STAC3: variants seen among roughly 807,000 people sequenced by gnomAD.
STAC3 encodes the protein SH3 and cysteine-rich domain-containing protein 3.
A neutral mutation model predicts 48.5 loss-of-function variants in STAC3; 30 were observed. The observed-to-expected ratio is 0.62, with a 90% CI of 0.46 to 0.84. The LOEUF is 0.84. Ranked by LOEUF, STAC3 falls within the 40% of genes least tolerant of loss-of-function variation. The probability of loss-of-function intolerance (pLI) is 0.00; values close to 1 mark genes in which losing one functional copy is unlikely to be tolerated. For synonymous variants in STAC3, 144 were observed against 158.6 expected, an observed-to-expected ratio of 0.91 and a Z score of 0.69; for missense variants, 419 against 462.6, an observed-to-expected ratio of 0.91 and a Z score of 0.86.
chr12:57,248,197 G>T lies in STAC3; in HGVS notation c.434C>A (p.Pro145Gln), dbSNP rs2037803104. ...VEMQRCFGKI[P>Q]PGFHRAYSSP... is the part of the protein sequence containing the mutation. ...ACTATAGGCCCGATGGAAACCAGGT[G>T]GCTGTAGGATGGGATGAGAGGAAGC... Residue 145 changes from proline to glutamine, a missense_variant and splice_region_variant, in exon 5 of 12, where the codon CCA (proline) becomes CAA (glutamine). Pro to Gln is a moderately conservative substitution (Grantham distance 76). Transcript: ENST00000332782. The T allele has an allele frequency of 6.2e-7, 1 of 1,613,670 alleles. No homozygotes were observed. Among genetic ancestry groups the T allele is most frequent in the Non-Finnish European group, 8.5e-7 (1 of 1,179,614 alleles).
Position 57,244,168 on chromosome 12 carries a change from C to A in STAC3, c.916G>T (p.Ala306Ser). The A allele has an allele frequency of 6.2e-7, 1 of 1,614,146 alleles. No individual in the cohort carries two copies. Among genetic ancestry groups the A allele is most frequent in the South Asian group, 1.1e-5 (1 of 91,082 alleles). Residue 306 changes from alanine (A) to serine (S), a missense_variant, in exon 11 of 12, where the codon GCT (alanine) becomes TCT (serine). By Grantham distance (99) the Ala-to-Ser change is moderately conservative. Transcript: ENST00000332782. The part of the protein sequence containing the change: ...FPPNFIIRVR[A>S]GERVHRVTRS... ...GTCACGCGGTGCACACGTTCTCCAGCCCGGACCCGAATGATGAAGTTTGGA... is the reference window on the plus strand; with the variant it reads ...GTCACGCGGTGCACACGTTCTCCAGACCGGACCCGAATGATGAAGTTTGGA...
At chr12:57,244,987 A>G in intron 7 of STAC3, 22 bp from the exon 8 acceptor site, 3 of 1,613,848 alleles carry the variant, frequency 1.9e-6, no homozygotes, top group East Asian at 4.5e-5. Flanking sequence ...AACACCAACA[A>G]ATTGTCTGTC....
chr12:57,251,058 T>G lies in STAC3; in HGVS notation c.-67A>C, dbSNP rs2037893085. On this transcript the variant is annotated 5_prime_UTR_variant, in exon 1 of 12. Coordinates refer to ENST00000332782, the MANE Select transcript of STAC3 (RefSeq NM_145064.3). Reference sequence around the variant, plus strand: ...GCTGGGAGCCTCGAGGCCTTGATGGTGGTGCTGGGGAAAAACTGGTCCTCT... The same window carrying G: ...GCTGGGAGCCTCGAGGCCTTGATGGGGGTGCTGGGGAAAAACTGGTCCTCT... 3 of 431,584 alleles carry G rather than the reference T, an allele frequency of 7.0e-6. No homozygotes were observed. The highest frequency in any genetic ancestry group is 6.1e-5 in the African/African-American group (3 of 49,264). 26.7% of individuals were successfully genotyped at this position (431,584 alleles called of 1,614,324 possible).
At chr12:57,247,336 A>T (rs554789515) in intron 5 of STAC3, among the ~76,000 whole-genome samples, 24 of 151,690 alleles carry the variant, frequency 1.6e-4, no homozygotes, top group Non-Finnish European at 3.2e-4. Flanking sequence ...CTCTTCACAG[A>T]GTTCAGCCTC....
intron 5 of STAC3, among the ~76,000 whole-genome samples, chr12:57,247,428 A>ATTTTTTTTTTTTTTTT (rs367784960): frequency 5.1e-5 from 3 of 58,534 alleles, no homozygotes; most frequent in Admixed American, 1.6e-4. Flanking sequence ...TATTATTATT[A>ATTTTTTTTTTTTTTTT]TTTTTTTTTT....
At chr12:57,246,637 C>T (rs1411048943) in intron 6 of STAC3, among the ~76,000 whole-genome samples, 167 bp downstream of exon 6, 2 of 152,134 alleles carry the variant, frequency 1.3e-5, no homozygotes, top group Non-Finnish European at 2.9e-5. Context: ...CTGCCCACCT[C>T]GGCCTCCCAA....
rs765764018 is a variant in STAC3, at chr12:57,248,742, C to CTGA, written c.393_395dup (p.Cys131_Gln132insHis). The CTGA allele has an allele frequency of 1.9e-6, 3 of 1,613,954 alleles. No individual in the cohort carries two copies. The Admixed American group carries it at 5.0e-5, about 27-fold the overall frequency. Reference sequence around the variant, plus strand: ...AGCATCTCTGCATTTCCACATAGGACTGACAGTGTTCATGGATGTTGGTTT... The same window carrying CTGA: ...AGCATCTCTGCATTTCCACATAGGACTGATGACAGTGTTCATGGATGTTGGTTT... On this transcript the variant is annotated inframe_insertion, in exon 4 of 12. Coordinates refer to ENST00000332782, the MANE Select transcript of STAC3 (RefSeq NM_145064.3).
At chr12:57,245,471 C>T (rs958773700) in intron 6 of STAC3, among the ~76,000 whole-genome samples, 1 of 149,904 alleles carries the variant, frequency 6.7e-6, no homozygotes, top group African/African-American at 2.5e-5. Flanking sequence ...TCCAGGTTCA[C>T]GCCATTCTCC....
rs1459020954 is a variant in STAC3, at chr12:57,243,788, T to C, written c.*24A>G. On this transcript the variant is annotated 3_prime_UTR_variant, in exon 12 of 12. Transcript: ENST00000332782. ...CCGCCCAGAATGGGGTGTGGGTGTCTCCCGCTTGCAGGCGCCCGCACGCCT... is the reference window on the plus strand; with the variant it reads ...CCGCCCAGAATGGGGTGTGGGTGTCCCCCGCTTGCAGGCGCCCGCACGCCT... 7 of 1,608,730 alleles carry C rather than the reference T, an allele frequency of 4.4e-6. No individual in the cohort carries two copies. Among genetic ancestry groups the C allele is most frequent in the Non-Finnish European group, 6.0e-6 (7 of 1,175,988 alleles).
intron 6 of STAC3, among the ~76,000 whole-genome samples, chr12:57,245,821 G>GC (rs2037726086): frequency 6.6e-6 from 1 of 152,074 alleles, no homozygotes; most frequent in Non-Finnish European, 1.5e-5. Context: ...TAAAAAGTGA[G>GC]CAGCATGGTC....
intron 6 of STAC3, among the ~76,000 whole-genome samples, chr12:57,245,433 G>A (rs985764600): frequency 4.0e-5 from 6 of 151,426 alleles, no homozygotes; most frequent in African/African-American, 9.7e-5. Context: ...GTGCAGTGGC[G>A]CAATCTTGGC....
In STAC3 at chr12:57,249,637, C is replaced by A. The variant is rs139002404; in HGVS notation, c.-1G>T. 6.2e-7 allele frequency: 1 copy of A among 1,613,970 alleles called. No homozygotes were observed. Among genetic ancestry groups the A allele is most frequent in the East Asian group, 2.2e-5 (1 of 44,882 alleles). ...ACTCCAGCACCTCCTTTTCTGTCATCCTGCAAGAGGTTGGACCCCACTATG... is the reference window on the plus strand; with the variant it reads ...ACTCCAGCACCTCCTTTTCTGTCATACTGCAAGAGGTTGGACCCCACTATG... On this transcript the variant is annotated splice_region_variant and 5_prime_UTR_variant, in exon 2 of 12. Transcript: ENST00000332782.
chr12:57,248,993 A>G (rs2037833248), intron 3 of STAC3, 48 bp downstream of exon 3: 2 of 1,560,264 alleles, frequency 1.3e-6, no homozygotes, highest in East Asian at 2.2e-5. Flanking sequence ...CTCTCCCCAA[A>G]CCTCTGCCTT....
chr12:57,246,789 A>T lies in STAC3; in HGVS notation c.603+15T>A. 1 of 1,609,486 alleles carries T rather than the reference A, an allele frequency of 6.2e-7. No homozygotes were observed. Among genetic ancestry groups the T allele is most frequent in the Non-Finnish European group, 8.5e-7 (1 of 1,176,036 alleles). Reference sequence around the variant, plus strand: ...GATCTCTGGGAGGGACCTCGTGGGGAGGTACAGTGCTCACATTTTTCTTAT... The same window carrying T: ...GATCTCTGGGAGGGACCTCGTGGGGTGGTACAGTGCTCACATTTTTCTTAT... On this transcript the variant is annotated intron_variant, in intron 6 of 11. Coordinates refer to ENST00000332782, the MANE Select transcript of STAC3 (RefSeq NM_145064.3).
chr12:57,244,501 TC>T, intron 9 of STAC3, 35 bp downstream of exon 9: 1 of 1,613,536 alleles, frequency 6.2e-7, no homozygotes, highest in Non-Finnish European at 8.5e-7. Context: ...TCCTCTTCAC[TC>T]CGCAGTACCA....
Position 57,246,478 on chromosome 12 carries a change from C to A in STAC3, c.603+326G>T, listed in dbSNP as rs535693206. 6.8e-4 allele frequency among the ~76,000 whole-genome samples: 103 copies of A among 151,418 alleles called. 4 individuals are homozygous for A. The South Asian group carries it at 0.019, about 28-fold the overall frequency. Reference sequence around the variant, plus strand: ...GCAACCTCTGCCTCCCGGGTTCAAGCGATTCTCCTGCCTCAGCCTCCCAAG... The same window carrying A: ...GCAACCTCTGCCTCCCGGGTTCAAGAGATTCTCCTGCCTCAGCCTCCCAAG... On this transcript the variant is annotated intron_variant, in intron 6 of 11. Coordinates refer to ENST00000332782, the MANE Select transcript of STAC3 (RefSeq NM_145064.3).
Position 57,243,463 on chromosome 12 carries a change from T to G in STAC3, c.*349A>C, listed in dbSNP as rs1429167698. On this transcript the variant is annotated 3_prime_UTR_variant, in exon 12 of 12. Coordinates refer to ENST00000332782, the MANE Select transcript of STAC3 (RefSeq NM_145064.3). ...CAGTTAAATAACAACTTTTCTAAGT[T>G]TTGTCAAAAGTTTAATAAATTCGCA... The G allele has an allele frequency of 2.0e-6, 1 of 493,884 alleles. No individual in the cohort carries two copies. The allele number at this position is 493,884 out of a possible 1,614,324, so 30.6% of individuals were successfully genotyped here.
chr12:57,245,045 G>A (rs1478617604), intron 7 of STAC3, 80 bp from the exon 8 acceptor site: 17 of 1,600,154 alleles, frequency 1.1e-5, no homozygotes, highest in Middle Eastern at 1.7e-4. Context: ...GAAGGGCCTC[G>A]TCTATCCAAA....
chr12:57,244,863 A>C, intron 8 of STAC3, 53 bp downstream of exon 8: 70 of 1,592,626 alleles, frequency 4.4e-5, no homozygotes, highest in Non-Finnish European at 5.4e-5. Context: ...TAGTGGTGTC[A>C]GAGCTGGGTT....
Sources: gnomAD v4.1 joint callset for allele counts (sites outside exome capture counted in the v4.1 genomes callset) on GRCh38, gnomAD v4.1.1 for gene constraint, MANE v1.5 for transcripts, NCBI Gene and HGNC (gene_info 2026-07-23, HGNC 2026-07-21) for gene names.